The following STAT3 variants were observed in gnomAD, a reference collection of about 807,000 sequenced individuals.
STAT3 encodes the protein DNA-binding protein APRF.
In STAT3, 7 loss-of-function variants were observed where a neutral mutation model predicts 114.3. The ratio of observed to expected loss-of-function variants is 0.06; its 90% CI spans 0.03 to 0.11. The LOEUF is 0.11. STAT3 is among the 10% of genes least tolerant of loss of function. STAT3 has a pLI of 1.00. For missense variants in STAT3, 364 were observed against 960.9 expected (o/e 0.38, Z 8.21); for synonymous variants, 331 against 354.5 (o/e 0.93, Z 0.74).
At chr17:42,344,420 CA>C (rs35455295) in intron 4 of STAT3, among the ~76,000 whole-genome samples, 66,795 of 121,688 alleles carry the variant, frequency 0.55, 18,003 homozygotes, top group African/African-American at 0.79. Flanking sequence ...GACTCTGTCT[CA>C]AAAAAAAAAA....
At chr17:42,353,493 G>A (rs1348279989) in intron 1 of STAT3, among the ~76,000 whole-genome samples, 1 of 151,978 alleles carries the variant, frequency 6.6e-6, no homozygotes, top group African/African-American at 2.4e-5. Flanking sequence ...CCAAAAAGCG[G>A]TGGTTCTCCT....
intron 20 of STAT3, 83 bp downstream of exon 20, chr17:42,322,921 G>A (rs1358151057): frequency 1.2e-6 from 2 of 1,600,048 alleles, no homozygotes; most frequent in Non-Finnish European, 1.7e-6. Flanking sequence ...CACCCACCAG[G>A]GGGCAGTAGG....
At chr17:42,374,433 C>T (rs1335544304) in intron 1 of STAT3, among the ~76,000 whole-genome samples, 1 of 151,928 alleles carries the variant, frequency 6.6e-6, no homozygotes, top group Non-Finnish European at 1.5e-5. Context: ...CACAGTGAAA[C>T]CCCGTCTCTA....
chr17:42,360,039 G>T (rs1017882272), intron 1 of STAT3, among the ~76,000 whole-genome samples: 1 of 139,948 alleles, frequency 7.1e-6, no homozygotes, highest in Non-Finnish European at 1.5e-5. Flanking sequence ...CAGCCTGGGC[G>T]GCAGAGCAAG....
intron 4 of STAT3, 80 bp downstream of exon 4, chr17:42,345,479 T>C: frequency 1.8e-6 from 2 of 1,137,344 alleles, no homozygotes; most frequent in East Asian, 2.6e-5. Flanking sequence ...TTTTAGTAGA[T>C]CTAATAATTT....
chr17:42,330,824 G>A lies in STAT3; in HGVS notation c.1109+648C>T, dbSNP rs1399992888. On this transcript the variant is annotated intron_variant, in intron 11 of 23. Coordinates refer to ENST00000264657, the MANE Select transcript of STAT3 (RefSeq NM_139276.3). ...TGCGTATTCCATTATATGGTAAAGT[G>A]TGGAACAATTAAAAAAAAGAGATCT... 2.0e-5 allele frequency among the ~76,000 whole-genome samples: 3 copies of A among 152,080 alleles called. 1 individual carries two copies. Among genetic ancestry groups the A allele is most frequent in the Non-Finnish European group, 4.4e-5 (3 of 68,030 alleles).
intron 1 of STAT3, among the ~76,000 whole-genome samples, chr17:42,365,962 C>A (rs185305819): frequency 7.0e-4 from 107 of 152,082 alleles, no homozygotes; most frequent in Middle Eastern, 3.4e-3. Context: ...CCTGTTAAAG[C>A]TATTTTAATA....
At chr17:42,317,848 G>C (rs2081311175) in intron 21 of STAT3, among the ~76,000 whole-genome samples, 1 of 152,212 alleles carries the variant, frequency 6.6e-6, no homozygotes, top group African/African-American at 2.4e-5. Context: ...ATGTGACTTT[G>C]TAAGGCAGTA....
At chr17:42,344,246 C>T (rs1023015036) in intron 4 of STAT3, among the ~76,000 whole-genome samples, 1 of 151,950 alleles carries the variant, frequency 6.6e-6, no homozygotes, top group Admixed American at 6.6e-5. Flanking sequence ...CACAGTGAAA[C>T]CCCATCTCTA....
intron 1 of STAT3, among the ~76,000 whole-genome samples, chr17:42,360,985 T>C (rs2083480009): frequency 6.6e-6 from 1 of 152,126 alleles, no homozygotes; most frequent in Admixed American, 6.6e-5. Context: ...CTCAAATACC[T>C]GGAAATCTGT....
intron 1 of STAT3, among the ~76,000 whole-genome samples, chr17:42,362,399 T>C (rs182686675): frequency 3.3e-5 from 5 of 152,212 alleles, no homozygotes; most frequent in African/African-American, 1.2e-4. Flanking sequence ...CTGTTAACTG[T>C]CTCCCAACAT....
At chr17:42,365,652 G>GTTTTTTTTTTTTTTTTTTT (rs758091970) in intron 1 of STAT3, among the ~76,000 whole-genome samples, 1 of 116,916 alleles carries the variant, frequency 8.6e-6, no homozygotes, top group African/African-American at 2.9e-5. Flanking sequence ...TTTTTTTTTT[G>GTTTTTTTTTTTTTTTTTTT]TTTTTTTTTG....
At chr17:42,387,297 G>A (rs2085157147) in intron 1 of STAT3, 1 of 152,178 alleles carries the variant, frequency 6.6e-6, no homozygotes, top group African/African-American at 2.4e-5. Flanking sequence ...GTTAACTTCA[G>A]TGCAACCACA....
At chr17:42,316,246 G>A in intron 23 of STAT3, 1 of 387,056 alleles carries the variant, frequency 2.6e-6, no homozygotes, top group Non-Finnish European at 4.3e-6. Flanking sequence ...GTTTAGTTTT[G>A]TTTATTTGAG....
At chr17:42,325,908 G>GA (rs1245473362) in intron 15 of STAT3, among the ~76,000 whole-genome samples, 1 of 152,202 alleles carries the variant, frequency 6.6e-6, no homozygotes, top group Non-Finnish European at 1.5e-5. Context: ...GCTGAAAGCT[G>GA]AATATACACA....
At position 42,388,081 on chromosome 17, in the gene STAT3, C is replaced by A. The variant is rs940140671; in HGVS notation, c.-24+198G>T. On this transcript the variant is annotated intron_variant, in intron 1 of 23. Transcript: ENST00000264657. The stretch of plus-strand genomic sequence containing the variant: ...TCCGAAGAACGAAACTTCCCTCCAG[C>A]GCCCCGAGTCCCTTCCGAGGCCCGC... 4.4e-5 allele frequency: 27 copies of A among 609,658 alleles called. No individual in the cohort carries two copies. The East Asian group carries it at 9.4e-4, about 21-fold the overall frequency. The allele number at this position is 609,658 out of a possible 1,614,324, so 37.8% of individuals were successfully genotyped here. A position where few individuals can be genotyped will look rare whatever the true frequency, so the allele number is the denominator to read the frequency against.
chr17:42,318,212 T>G (rs1211257855), intron 21 of STAT3, among the ~76,000 whole-genome samples: 1 of 152,028 alleles, frequency 6.6e-6, no homozygotes, highest in African/African-American at 2.4e-5. Context: ...AACCTCTGCC[T>G]CCAGGGTTCA....
intron 1 of STAT3, among the ~76,000 whole-genome samples, chr17:42,357,651 G>A (rs1387925677): frequency 2.0e-5 from 3 of 151,906 alleles, no homozygotes; most frequent in Admixed American, 1.3e-4. Flanking sequence ...CAGCCTGGGC[G>A]ACAAGAGCGA....
At chr17:42,351,268 G>T (rs1392267348) in intron 1 of STAT3, among the ~76,000 whole-genome samples, 1 of 151,084 alleles carries the variant, frequency 6.6e-6, no homozygotes, top group Non-Finnish European at 1.5e-5. Flanking sequence ...TTATTTTTTG[G>T]AGACAGGCAC....
Sources: gnomAD v4.1 joint callset for allele counts (sites outside exome capture counted in the v4.1 genomes callset) on GRCh38, gnomAD v4.1.1 for gene constraint, MANE v1.5 for transcripts, NCBI Gene and HGNC (gene_info 2026-07-23, HGNC 2026-07-21) for gene names.